The following GLI2 variants were observed in gnomAD, a reference collection of about 807,000 sequenced individuals.
The protein encoded by GLI2 is transcription activator GLI2.
GLI2 carries 22 observed loss-of-function variants against 78.9 expected under a neutral mutation model. That is an observed-to-expected ratio of 0.28 (90% confidence interval 0.20 to 0.40). The LOEUF is 0.40. GLI2 is among the 10% of genes least tolerant of loss of function. GLI2 has a pLI of 1.00. For missense variants in GLI2, 2,097 were observed against 2,213.2 expected, an observed-to-expected ratio of 0.95 and a Z score of 1.05; for synonymous variants, 974 against 963.7, an observed-to-expected ratio of 1.01 and a Z score of -0.20.
At chr2:120,948,850 C>A (rs547835157) in intron 3 of GLI2, among the ~76,000 whole-genome samples, 1 of 152,172 alleles carries the variant, frequency 6.6e-6, no homozygotes, top group African/African-American at 2.4e-5. Context: ...AAACCCTGGC[C>A]GGCATCCTGC....
At chr2:120,813,795 T>C (rs1685370030) in intron 2 of GLI2, among the ~76,000 whole-genome samples, 1 of 152,188 alleles carries the variant, frequency 6.6e-6, no homozygotes, top group Non-Finnish European at 1.5e-5. Flanking sequence ...ATGTTCAGCT[T>C]CCCCACCATC....
In GLI2 at chr2:120,990,472, G is replaced by A. The variant is rs114814747; in HGVS notation, c.4507G>A (p.Asp1503Asn). 20,112 of 1,613,798 alleles carry A rather than the reference G, an allele frequency of 0.012. 153 individuals are homozygous for A. The highest frequency in any genetic ancestry group is 0.015 in the Non-Finnish European group (17,260 of 1,179,890). The change falls in exon 14 of 14, where the codon GAT becomes AAT. Residue 1503 changes from aspartate (D) to asparagine (N), a missense_variant. Transcript: ENST00000361492. Reference sequence around the variant, plus strand: ...CTTCGATGCCATCATGGATGATGGCGATCACTCGAGTTTGTTCTCGGGTGC... The same window carrying A: ...CTTCGATGCCATCATGGATGATGGCAATCACTCGAGTTTGTTCTCGGGTGC... Reference protein sequence around the residue: ...IDFDAIMDDGDHSSLFSGALS... With the variant: ...IDFDAIMDDGNHSSLFSGALS...
chr2:120,947,932 G>C (rs1207829561), intron 3 of GLI2, among the ~76,000 whole-genome samples: 1 of 152,222 alleles, frequency 6.6e-6, no homozygotes, highest in Admixed American at 6.5e-5. Context: ...GAAGAGCAAG[G>C]GTTGCTCCGT....
chr2:120,906,782 G>A (rs1678555779), intron 2 of GLI2, among the ~76,000 whole-genome samples: 1 of 152,146 alleles, frequency 6.6e-6, no homozygotes, highest in South Asian at 2.1e-4. Flanking sequence ...CCCACCTAAG[G>A]TAGTTAGCAT....
At position 120,751,008 on chromosome 2, in the gene GLI2, G is replaced by T. The variant is rs1682855516; in HGVS notation, c.-31+14723G>T. Reference sequence around the variant, plus strand: ...CCAGATCCCTCCGGAAGCCAGGATGGTGGCCCCCAACTCTGCTCCAGCTGT... The same window carrying T: ...CCAGATCCCTCCGGAAGCCAGGATGTTGGCCCCCAACTCTGCTCCAGCTGT... On this transcript the variant is annotated intron_variant, in intron 1 of 13. Coordinates refer to ENST00000361492, the MANE Select transcript of GLI2 (RefSeq NM_001374353.1). 4.6e-5 allele frequency among the ~76,000 whole-genome samples: 7 copies of T among 152,228 alleles called. 1 individual carries two copies. Among genetic ancestry groups the T allele is most frequent in the Admixed American group, 4.6e-4 (7 of 15,284 alleles).
chr2:120,861,586 C>T (rs1349755900), intron 2 of GLI2, among the ~76,000 whole-genome samples: 1 of 152,200 alleles, frequency 6.6e-6, no homozygotes, highest in East Asian at 1.9e-4. Flanking sequence ...GCTCTTGGGC[C>T]CTCTTGAGAA....
chr2:120,889,484 A>G (rs1384526077), intron 2 of GLI2, among the ~76,000 whole-genome samples: 2 of 152,208 alleles, frequency 1.3e-5, no homozygotes, highest in Non-Finnish European at 2.9e-5. Context: ...TGATTGACAC[A>G]TTGGACCTCG....
chr2:120,936,571 A>T (rs541779849), intron 3 of GLI2, among the ~76,000 whole-genome samples: 2 of 152,264 alleles, frequency 1.3e-5, no homozygotes, highest in Non-Finnish European at 2.9e-5. Flanking sequence ...TTGTCCTCAG[A>T]GAGGAAAGAG....
At chr2:120,750,743 A>G (rs1031007581) in intron 1 of GLI2, among the ~76,000 whole-genome samples, 1 of 152,230 alleles carries the variant, frequency 6.6e-6, no homozygotes, top group Non-Finnish European at 1.5e-5. Flanking sequence ...TAACAACAAA[A>G]GACATCCTGG....
intron 2 of GLI2, among the ~76,000 whole-genome samples, chr2:120,874,538 T>A (rs1688633531): frequency 1.3e-5 from 2 of 152,212 alleles, no homozygotes; most frequent in Admixed American, 1.3e-4. Flanking sequence ...AAGCGGGCCT[T>A]GCTCCTGTCT....
At chr2:120,941,700 C>G (rs12464245) in intron 3 of GLI2, among the ~76,000 whole-genome samples, 127,475 of 152,290 alleles carry the variant, frequency 0.84, 57,488 homozygotes, top group East Asian at 1. Context: ...TCCGCAACAG[C>G]AAAAAGGTCC....
Position 120,911,980 on chromosome 2 carries a change from A to T in GLI2, c.149-15381A>T, listed in dbSNP as rs924949757. The stretch of plus-strand genomic sequence containing the variant: ...GGCTCTTGACTCCATTCTGCTGGCA[A>T]TGGCAGGACCTGGGGACCACCTGTC... On this transcript the variant is annotated intron_variant, in intron 2 of 13. Coordinates refer to ENST00000361492, the MANE Select transcript of GLI2 (RefSeq NM_001374353.1). Among the ~76,000 whole-genome samples, 6 of 152,072 alleles carry T rather than the reference A, an allele frequency of 3.9e-5. No individual in the cohort carries two copies. The East Asian group carries it at 9.7e-4, about 25-fold the overall frequency.
rs1028761610 is a variant in GLI2 at position 120,737,518 on chromosome 2, C to T, written c.-31+1233C>T. ...AGTAGACCTGTCCCTACTGTCTGGT[C>T]CCGCGCCCTGGGAGTCTTGTAGGCG... On this transcript the variant is annotated intron_variant, in intron 1 of 13. Coordinates refer to ENST00000361492, the MANE Select transcript of GLI2 (RefSeq NM_001374353.1). The surrounding 1 kb of genome is among the most constrained non-coding windows in gnomAD (Gnocchi z 4.3). Among the ~76,000 whole-genome samples the T allele has an allele frequency of 2.6e-5, 4 of 152,164 alleles. No individual in the cohort carries two copies. Among genetic ancestry groups the T allele is most frequent in the African/African-American group, 9.7e-5 (4 of 41,424 alleles).
At chr2:120,852,246 A>C (rs1687439065) in intron 2 of GLI2, among the ~76,000 whole-genome samples, 1 of 152,194 alleles carries the variant, frequency 6.6e-6, no homozygotes, top group Admixed American at 6.5e-5. Context: ...ACATGGAGTC[A>C]TCCCTACCCT....
intron 1 of GLI2, among the ~76,000 whole-genome samples, chr2:120,791,395 G>A (rs1458890657): frequency 6.6e-6 from 1 of 152,188 alleles, no homozygotes; most frequent in Non-Finnish European, 1.5e-5. Context: ...GAGGGGAGAG[G>A]AAAGGACTGG....
chr2:120,809,069 G>C (rs1685105269), intron 2 of GLI2, among the ~76,000 whole-genome samples: 1 of 152,176 alleles, frequency 6.6e-6, no homozygotes, highest in Admixed American at 6.5e-5. Context: ...GTATATGGGT[G>C]TTTATAGCAA....
At chr2:120,853,589 T>C (rs1687508462) in intron 2 of GLI2, among the ~76,000 whole-genome samples, 1 of 152,202 alleles carries the variant, frequency 6.6e-6, no homozygotes, top group Non-Finnish European at 1.5e-5. Context: ...GTCCCTTGCA[T>C]ATTAAGAGAA....
At chr2:120,741,915 C>G (rs1558775479) in intron 1 of GLI2, among the ~76,000 whole-genome samples, 1 of 152,190 alleles carries the variant, frequency 6.6e-6, no homozygotes, top group African/African-American at 2.4e-5. Context: ...CGGGCCAGGT[C>G]CCCACAGCCG....
At chr2:120,924,080 A>AC (rs964588521) in intron 2 of GLI2, among the ~76,000 whole-genome samples, 21 of 151,304 alleles carry the variant, frequency 1.4e-4, no homozygotes, top group South Asian at 4.2e-4. Flanking sequence ...GCATTAGGAG[A>AC]CCCCCCCTCA....
Sources: allele counts gnomAD v4.1 joint callset (sites outside exome capture counted in the v4.1 genomes callset), GRCh38; gene constraint gnomAD v4.1.1; non-coding constraint Gnocchi (gnomAD v3.1); transcripts MANE v1.5; gene names NCBI Gene and HGNC (gene_info 2026-07-23, HGNC 2026-07-21).